CDC7: variants seen among roughly 807,000 people sequenced by gnomAD.
The protein encoded by CDC7 is cell division cycle 7-related protein kinase.
In CDC7, 34 loss-of-function variants were observed where a neutral mutation model predicts 53.5. The observed-to-expected ratio is 0.64, with a 90% confidence interval of 0.48 to 0.85. The LOEUF (loss-of-function observed/expected upper bound fraction) is 0.85, where lower values mean the gene tolerates loss of function less well. Among genes scored for constraint, CDC7 ranks in the 40% least tolerant of loss-of-function variants. CDC7 has a pLI of 0.00. For synonymous variants in CDC7, 211 were observed against 222.8 expected (o/e 0.95, Z 0.47); for missense variants, 594 against 679.7 (o/e 0.87, Z 1.40).
intron 2 of CDC7, 115 bp downstream of exon 2, chr1:91,501,946 C>CTAT: frequency 1.3e-6 from 1 of 784,698 alleles, no homozygotes; most frequent in Non-Finnish European, 2.1e-6. Context: ...TTGTATGTTT[C>CTAT]TATAGGACAG....
rs148698225 is a variant in CDC7 at position 91,506,212 on chromosome 1, A to G, written c.116-1642A>G. On this transcript the variant is annotated intron_variant, in intron 2 of 11. Coordinates refer to ENST00000234626, the MANE Select transcript of CDC7 (RefSeq NM_003503.4). ...TTGTTTTTTAGCTTTTTTAAGAGATAGGGTCTCAAACACCTGGCCTCAAGC... is the reference window on the plus strand; with the variant it reads ...TTGTTTTTTAGCTTTTTTAAGAGATGGGGTCTCAAACACCTGGCCTCAAGC... Among the ~76,000 whole-genome samples the G allele has an allele frequency of 6.6e-4, 100 of 152,068 alleles. No homozygotes were observed. The East Asian group carries it at 0.016, about 24-fold the overall frequency.
intron 10 of CDC7, among the ~76,000 whole-genome samples, chr1:91,516,837 G>C (rs1174307662): frequency 6.6e-6 from 1 of 152,140 alleles, no homozygotes; most frequent in Non-Finnish European, 1.5e-5. Flanking sequence ...GGCTGAGATG[G>C]GCGGATCACC....
chr1:91,523,894 CTGTGTGTGTGTGTGTGTG>C (rs56282166), intron 11 of CDC7, 129 bp from the exon 12 acceptor site: 5 of 555,748 alleles, frequency 9.0e-6, no homozygotes, highest in South Asian at 5.0e-5. Context: ...CTATCTCATA[CTGTGTGTGTGTGTGTGTG>C]TGTGTGTGTG....
Position 91,500,871 on chromosome 1 carries a change from C to G in CDC7, c.-141C>G, listed in dbSNP as rs995385879. ...GAAGTGTTGCGCAGGCGCATCCGAT[C>G]GACTCGGTAGGTGGGGATCTCTTGG... On this transcript the variant is annotated 5_prime_UTR_variant, in exon 1 of 12. In the 5' UTR this introduces an upstream ATG that the reference lacks. Transcript: ENST00000234626. 2.0e-5 allele frequency: 3 copies of G among 152,282 alleles called. No homozygotes were observed. Among genetic ancestry groups the G allele is most frequent in the Admixed American group, 6.5e-5 (1 of 15,288 alleles). 9.4% of individuals were successfully genotyped at this position (152,282 alleles called of 1,614,324 possible). A position where few individuals can be genotyped will look rare whatever the true frequency, so the allele number is the denominator to read the frequency against.
At position 91,524,411 on chromosome 1, in the gene CDC7, A is replaced by AT. The variant is rs770139678; in HGVS notation, c.1707dup (p.Lys570Ter). 1.2e-5 allele frequency: 20 copies of AT among 1,608,766 alleles called. No individual in the cohort carries two copies. The highest frequency in any genetic ancestry group is 1.6e-5 in the Non-Finnish European group (19 of 1,179,264). The stretch of plus-strand genomic sequence containing the variant: ...CAGCAGAAGAAGCTTTGTTGCATCC[A>AT]TTTTTTAAAGATATGAGCTTGTGAT... On this transcript the variant is annotated frameshift_variant, in exon 12 of 12. Coordinates refer to ENST00000234626, the MANE Select transcript of CDC7 (RefSeq NM_003503.4). LOFTEE classifies it high-confidence loss of function.
rs200604322 is a variant in CDC7 at position 91,511,789 on chromosome 1, G to A, written c.438G>A (p.Leu146=). 30 of 1,602,636 alleles carry A rather than the reference G, an allele frequency of 1.9e-5. No homozygotes were observed. Among genetic ancestry groups the A allele is most frequent in the Non-Finnish European group, 2.5e-5 (29 of 1,172,148 alleles). ...YLEHESFLDI[L]NSLSFQEVRE... is the part of the protein sequence containing the mutation. ...TTGTAACTTTGTTTTAGGACATTCT[G>A]AATTCTCTTTCCTTTCAAGAAGTAC... The change falls in exon 6 of 12, where the codon CTG becomes CTA. Residue 146 remains leucine (L), a synonymous_variant. Transcript: ENST00000234626.
In CDC7 at chr1:91,524,225, A is replaced by G; in HGVS notation, c.1515A>G (p.Pro505=). The part of the protein sequence containing the change: ...HKASCLVQTP[P]GQYSGNSFKK... ...CTTCTTGCCTCGTTCAAACACCTCCAGGACAATACTCAGGGAATTCATTTA... is the reference window on the plus strand; with the variant it reads ...CTTCTTGCCTCGTTCAAACACCTCCGGGACAATACTCAGGGAATTCATTTA... Residue 505 remains proline, a synonymous_variant, in exon 12 of 12, where the codon CCA becomes CCG. Coordinates refer to ENST00000234626, the MANE Select transcript of CDC7 (RefSeq NM_003503.4). The G allele has an allele frequency of 6.2e-7, 1 of 1,613,996 alleles. No homozygotes were observed. The highest frequency in any genetic ancestry group is 8.5e-7 in the Non-Finnish European group (1 of 1,179,902).
intron 2 of CDC7, among the ~76,000 whole-genome samples, chr1:91,505,461 G>C (rs1168125002): frequency 6.6e-6 from 1 of 152,198 alleles, no homozygotes; most frequent in East Asian, 1.9e-4. Context: ...CTGGCAAGGA[G>C]TGTAGTTAAG....
intron 7 of CDC7, among the ~76,000 whole-genome samples, chr1:91,513,556 T>G (rs981241200): frequency 3.3e-5 from 5 of 152,196 alleles, no homozygotes; most frequent in African/African-American, 1.2e-4. Context: ...AATCATATTT[T>G]ATGACAAAAA....
chr1:91,511,300 T>C (rs1007171568), intron 4 of CDC7, among the ~76,000 whole-genome samples: 1 of 152,174 alleles, frequency 6.6e-6, no homozygotes, highest in African/African-American at 2.4e-5. Flanking sequence ...TACCATCTTA[T>C]CTGCTAAGTC....
chr1:91,520,563 A>G (rs1029654946), intron 11 of CDC7, among the ~76,000 whole-genome samples: 1 of 152,140 alleles, frequency 6.6e-6, no homozygotes, highest in Non-Finnish European at 1.5e-5. Context: ...AACTCCTTTT[A>G]GTTATGGTTT....
intron 2 of CDC7, among the ~76,000 whole-genome samples, chr1:91,502,221 AT>A (rs1315136853): frequency 2.0e-5 from 3 of 152,230 alleles, no homozygotes; most frequent in Non-Finnish European, 4.4e-5. Context: ...AGACAAAAAA[AT>A]ATGAAATGTT....
chr1:91,512,910 A>T (rs932173136), intron 6 of CDC7, 148 bp from the exon 7 acceptor site: 5 of 686,080 alleles, frequency 7.3e-6, no homozygotes, highest in East Asian at 2.8e-5. Context: ...TGGAAAACTT[A>T]TTTTTTTTTC....
At chr1:91,503,707 AAAG>A (rs1553147183) in intron 2 of CDC7, among the ~76,000 whole-genome samples, 5 of 152,210 alleles carry the variant, frequency 3.3e-5, no homozygotes, top group Non-Finnish European at 7.3e-5. Context: ...TTTTTGAAGT[AAAG>A]AAAGCCAAAA....
chr1:91,523,711 G>A (rs546644276), intron 11 of CDC7, among the ~76,000 whole-genome samples: 5 of 152,266 alleles, frequency 3.3e-5, no homozygotes, highest in Non-Finnish European at 5.9e-5. Context: ...GAGTGGGGGC[G>A]TGGGAGCTGC....
At position 91,525,637 on chromosome 1, in the gene CDC7, C is replaced by T. The variant is rs1255178360; in HGVS notation, c.*1202C>T. 6.6e-6 allele frequency: 1 copy of T among 151,858 alleles called. No individual in the cohort carries two copies. The highest frequency in any genetic ancestry group is 2.4e-5 in the African/African-American group (1 of 41,346). 9.4% of individuals were successfully genotyped at this position (151,858 alleles called of 1,614,324 possible). A position where few individuals can be genotyped will look rare whatever the true frequency, so the allele number is the denominator to read the frequency against. ...AGCATTGATAGGTCAGTATATCTAC[C>T]TAATCTGTTTGGTAAGTATAGGATA... On this transcript the variant is annotated 3_prime_UTR_variant, in exon 12 of 12. Transcript: ENST00000234626.
intron 8 of CDC7, among the ~76,000 whole-genome samples, 182 bp downstream of exon 8, chr1:91,514,225 T>A (rs147452385): frequency 1.3e-5 from 2 of 152,332 alleles, no homozygotes; most frequent in East Asian, 3.9e-4. Context: ...TTTCTGAACT[T>A]TTCTGGTGGA....
In CDC7 at chr1:91,501,802, A is replaced by C. The variant is rs1666702759; in HGVS notation, c.86A>C (p.Lys29Thr). 6.2e-7 allele frequency: 1 copy of C among 1,614,166 alleles called. No homozygotes were observed. Reference protein sequence around the residue: ...RDRFQAEGSLKKNEQNFKLAG... With the variant: ...RDRFQAEGSLTKNEQNFKLAG... Reference sequence around the variant, plus strand: ...CGGTTTCAGGCTGAAGGCTCTTTAAAAAAAAACGAGCAGAATTTTAAACTT... The same window carrying C: ...CGGTTTCAGGCTGAAGGCTCTTTAACAAAAAACGAGCAGAATTTTAAACTT... Residue 29 changes from lysine (K) to threonine (T), a missense_variant, in exon 2 of 12, where the codon AAA (lysine) becomes ACA (threonine). Transcript: ENST00000234626.
intron 11 of CDC7, among the ~76,000 whole-genome samples, chr1:91,521,977 C>T (rs1667971534): frequency 6.6e-6 from 1 of 151,906 alleles, no homozygotes; most frequent in Non-Finnish European, 1.5e-5. Context: ...CCATCCTGGC[C>T]AACGTGGTGA....
Sources: gnomAD v4.1 joint callset for allele counts (sites outside exome capture counted in the v4.1 genomes callset) on GRCh38, gnomAD v4.1.1 for gene constraint, MANE v1.5 for transcripts, NCBI Gene and HGNC (gene_info 2026-07-23, HGNC 2026-07-21) for gene names.